ZNF487: variants seen among roughly 807,000 people sequenced by gnomAD.
ZNF487 encodes KRAB domain only 1.
A neutral mutation model predicts 3.0 loss-of-function variants in ZNF487; 4 were observed. That is an observed-to-expected ratio of 1.35 (90% CI 0.66 to 3.08). ZNF487 has a LOEUF of 3.08. Among genes scored for constraint, ZNF487 ranks in the 30% most tolerant of loss-of-function variants. ZNF487 has a pLI of 0.01. For synonymous variants in ZNF487, 55 were observed against 34.6 expected, an observed-to-expected ratio of 1.59 and a Z score of -2.06; for missense variants, 146 against 98.7, an observed-to-expected ratio of 1.48 and a Z score of -2.03.
chr10:43,441,736 G>A (rs894495108), intron 1 of ZNF487, among the ~76,000 whole-genome samples: 7 of 151,870 alleles, frequency 4.6e-5, no homozygotes, highest in Admixed American at 2.0e-4. Flanking sequence ...ATAGGTGCAT[G>A]CCACTGTGCT....
chr10:43,509,634 C>T, the ZNF487 span, among the ~76,000 whole-genome samples: 2 of 151,954 alleles, frequency 1.3e-5, no homozygotes, highest in Non-Finnish European at 2.9e-5. Flanking sequence ...AAGCATCCAG[C>T]ATGGGAGAAA....
the ZNF487 span, among the ~76,000 whole-genome samples, chr10:43,517,123 C>G: frequency 1.3e-5 from 2 of 152,230 alleles, no homozygotes; most frequent in Non-Finnish European, 2.9e-5. Context: ...TCAGGACATA[C>G]AAGTACTGAA....
chr10:43,501,920 T>C, the ZNF487 span, among the ~76,000 whole-genome samples: 1 of 152,120 alleles, frequency 6.6e-6, no homozygotes. Flanking sequence ...AGGCAAGACT[T>C]GTACACTGAA....
upstream of ZNF487, chr10:43,437,076 A>C: frequency 3.3e-6 from 1 of 307,048 alleles, no homozygotes; most frequent in Non-Finnish European, 6.4e-6. Flanking sequence ...GGCGCCCGGG[A>C]TTCGCGCAGG....
the ZNF487 span, among the ~76,000 whole-genome samples, chr10:43,514,901 T>A: frequency 5.3e-5 from 8 of 152,164 alleles, no homozygotes; most frequent in Non-Finnish European, 8.8e-5. Context: ...ACTAATCCAC[T>A]CCACCATCCC....
intron 1 of ZNF487, among the ~76,000 whole-genome samples, chr10:43,448,448 G>T (rs1839892240): frequency 6.6e-6 from 1 of 152,082 alleles, no homozygotes. Flanking sequence ...AATAATAAAA[G>T]TACAGTTGAC....
intron 1 of ZNF487, among the ~76,000 whole-genome samples, chr10:43,474,730 G>A (rs1161418962): frequency 6.6e-5 from 10 of 151,548 alleles, no homozygotes; most frequent in South Asian, 2.1e-4. Flanking sequence ...TTACAGGTGC[G>A]CACCACCAAG....
the ZNF487 span, among the ~76,000 whole-genome samples, chr10:43,516,444 G>A: frequency 2.0e-5 from 3 of 152,262 alleles, no homozygotes; most frequent in South Asian, 2.1e-4. Flanking sequence ...CGGTTCTCTA[G>A]AGGGACAGAA....
chr10:43,504,512 G>A, the ZNF487 span, among the ~76,000 whole-genome samples: 8 of 151,660 alleles, frequency 5.3e-5, no homozygotes, highest in South Asian at 8.3e-4. Flanking sequence ...GGCCAAGCTG[G>A]TCGTGAACTC....
chr10:43,515,430 A>T, the ZNF487 span, among the ~76,000 whole-genome samples: 1 of 152,148 alleles, frequency 6.6e-6, no homozygotes, highest in African/African-American at 2.4e-5. Flanking sequence ...CAGGGAGGGG[A>T]TGTTGCCACT....
At chr10:43,443,187 C>T (rs1589019412) in intron 1 of ZNF487, among the ~76,000 whole-genome samples, 1 of 150,882 alleles carries the variant, frequency 6.6e-6, no homozygotes. Context: ...CTCAGCCTCC[C>T]GAGTAGCTGG....
At position 43,482,469 on chromosome 10, in the gene ZNF487, A is replaced by G. The variant is rs946108611; in HGVS notation, c.*547A>G. The G allele has an allele frequency of 1.3e-5, 6 of 470,962 alleles. No individual in the cohort carries two copies. Among genetic ancestry groups the G allele is most frequent in the Non-Finnish European group, 2.6e-5 (6 of 230,678 alleles). 29.2% of individuals were successfully genotyped at this position (470,962 alleles called of 1,614,324 possible). On this transcript the variant is annotated 3_prime_UTR_variant, in exon 4 of 4. Coordinates refer to ENST00000437590, the MANE Select transcript of ZNF487 (RefSeq NM_001355444.3). ...TATAGGTCATGCCTTGCAGTACATC[A>G]AAGAACACACACGGGACAAAACCTA...
chr10:43,505,009 T>C, the ZNF487 span, among the ~76,000 whole-genome samples: 2 of 152,048 alleles, frequency 1.3e-5, no homozygotes, highest in African/African-American at 2.4e-5. Context: ...CCCAGCCTCC[T>C]TGTTGCTGTT....
chr10:43,491,320 T>C, the ZNF487 span, among the ~76,000 whole-genome samples: 1 of 151,706 alleles, frequency 6.6e-6, no homozygotes, highest in Non-Finnish European at 1.5e-5. Context: ...GTTGCTAATT[T>C]TATTGTTGTT....
At chr10:43,465,106 C>G (rs1840630460) in intron 1 of ZNF487, among the ~76,000 whole-genome samples, 1 of 148,492 alleles carries the variant, frequency 6.7e-6, no homozygotes, top group African/African-American at 2.5e-5. Context: ...ACCCCCCCAC[C>G]TCCCTCCCGG....
chr10:43,498,075 T>TTTTATATATATATATATA, the ZNF487 span, among the ~76,000 whole-genome samples: 5 of 35,020 alleles, frequency 1.4e-4, no homozygotes, highest in African/African-American at 7.8e-4. Context: ...ATTTGGTATT[T>TTTTATATATATATATATA]TATATATATA....
At chr10:43,475,987 G>T (rs1372400529) in intron 2 of ZNF487, 120 bp from the exon 3 acceptor site, 2 of 666,046 alleles carry the variant, frequency 3.0e-6, no homozygotes, top group Non-Finnish European at 5.5e-6. Flanking sequence ...TCTGGGCACT[G>T]TAAAGAATAT....
Position 43,481,470 on chromosome 10 carries a change from A to AATC in ZNF487, c.174_176dup (p.Asn58_Gln59insHis), listed in dbSNP as rs776506082. ...TGACCTGATGGAGAAGAGACAGGAA[A>AATC]ATCAAGACCAGCATTTGCAGAAAGT... is the stretch of plus-strand genomic sequence containing the variant. On this transcript the variant is annotated inframe_insertion, in exon 4 of 4. Coordinates refer to ENST00000437590, the MANE Select transcript of ZNF487 (RefSeq NM_001355444.3). The AATC allele has an allele frequency of 1.4e-6, 1 of 717,232 alleles. No individual in the cohort carries two copies. Among genetic ancestry groups the AATC allele is most frequent in the Non-Finnish European group, 2.6e-6 (1 of 385,046 alleles). 44.4% of individuals were successfully genotyped at this position (717,232 alleles called of 1,614,324 possible).
At chr10:43,443,769 C>T (rs1011103831) in intron 1 of ZNF487, among the ~76,000 whole-genome samples, 1 of 152,014 alleles carries the variant, frequency 6.6e-6, no homozygotes, top group African/African-American at 2.4e-5. Context: ...GCAATTCCCC[C>T]CAACTCAGCC....
Sources: allele counts gnomAD v4.1 joint callset (sites outside exome capture counted in the v4.1 genomes callset), GRCh38; gene constraint gnomAD v4.1.1; transcripts MANE v1.5; gene names NCBI Gene and HGNC (gene_info 2026-07-23, HGNC 2026-07-21).